NME7: variants seen among roughly 807,000 people sequenced by gnomAD.
NME7 encodes the protein nucleoside diphosphate kinase 7.
Under a neutral mutation model 49.1 loss-of-function variants are expected in NME7, and 41 were observed. That is an observed-to-expected ratio of 0.83 (90% CI 0.65 to 1.08). The LOEUF (loss-of-function observed/expected upper bound fraction) is 1.08. NME7 is among the 50% of genes least tolerant of loss of function. The pLI, the probability that NME7 is intolerant of heterozygous loss-of-function variation, is 0.00. For missense variants in NME7, 423 were observed against 463.4 expected, an observed-to-expected ratio of 0.91 and a Z score of 0.80; for synonymous variants, 139 against 150.6, an observed-to-expected ratio of 0.92 and a Z score of 0.56.
chr1:169,281,619 T>A (rs924240532), intron 7 of NME7, among the ~76,000 whole-genome samples: 1 of 152,208 alleles, frequency 6.6e-6, no homozygotes, highest in Non-Finnish European at 1.5e-5. Context: ...TATTTTGAGA[T>A]ATGTTCCATC....
At chr1:169,366,785 G>T (rs1202146071) in intron 1 of NME7, among the ~76,000 whole-genome samples, 1 of 152,178 alleles carries the variant, frequency 6.6e-6, no homozygotes, top group Non-Finnish European at 1.5e-5. Flanking sequence ...GTAAAGGGAA[G>T]GTTTGAAAAT....
chr1:169,191,828 GA>G (rs34364140), intron 10 of NME7, among the ~76,000 whole-genome samples: 1,574 of 148,118 alleles, frequency 0.011, 26 homozygotes, highest in African/African-American at 0.034. Flanking sequence ...TCCTTTTTCT[GA>G]AAAAAAAAAT....
intron 7 of NME7, chr1:169,284,964 C>T (rs937863357): frequency 6.6e-6 from 1 of 151,968 alleles, no homozygotes; most frequent in Non-Finnish European, 1.5e-5. Context: ...CAAGGATAAG[C>T]TTTTTAAAAA....
chr1:169,193,426 GGCA>G (rs1660290320), intron 10 of NME7, among the ~76,000 whole-genome samples: 2 of 152,130 alleles, frequency 1.3e-5, no homozygotes, highest in Admixed American at 1.3e-4. Flanking sequence ...ACTGAAACAT[GGCA>G]CTGGTGTCAG....
intron 10 of NME7, among the ~76,000 whole-genome samples, chr1:169,230,329 A>G (rs1479877113): frequency 6.6e-6 from 1 of 152,114 alleles, no homozygotes; most frequent in Non-Finnish European, 1.5e-5. Flanking sequence ...GCCCATATTT[A>G]TTTATGTATT....
chr1:169,156,869 A>G (rs898221391), intron 11 of NME7, among the ~76,000 whole-genome samples: 4 of 152,238 alleles, frequency 2.6e-5, no homozygotes, highest in African/African-American at 9.6e-5. Context: ...TTACAATTTG[A>G]TAGCTTAAGG....
At chr1:169,203,033 G>C (rs1192680531) in intron 10 of NME7, among the ~76,000 whole-genome samples, 5 of 152,140 alleles carry the variant, frequency 3.3e-5, no homozygotes, top group South Asian at 2.1e-4. Flanking sequence ...TGCAGGCACA[G>C]GTAAGGGAAC....
At chr1:169,232,343 T>C (rs775864054) in intron 9 of NME7, among the ~76,000 whole-genome samples, 9 of 150,710 alleles carry the variant, frequency 6.0e-5, no homozygotes, top group Non-Finnish European at 1.2e-4. Context: ...CTATTATATG[T>C]GTAATTAGAA....
intron 1 of NME7, among the ~76,000 whole-genome samples, chr1:169,338,602 C>A (rs1038184594): frequency 6.6e-6 from 1 of 152,166 alleles, no homozygotes; most frequent in Non-Finnish European, 1.5e-5. Flanking sequence ...CTGACTTCTG[C>A]AGATCACTGC....
intron 7 of NME7, chr1:169,284,839 G>A (rs944761129): frequency 6.6e-6 from 1 of 151,868 alleles, no homozygotes; most frequent in African/African-American, 2.4e-5. Flanking sequence ...CAATTATTAA[G>A]GTATACAACT....
intron 3 of NME7, among the ~76,000 whole-genome samples, chr1:169,322,039 C>A (rs1284869904): frequency 6.6e-6 from 1 of 152,060 alleles, no homozygotes; most frequent in Non-Finnish European, 1.5e-5. Flanking sequence ...ATAATTAATT[C>A]TAGTCTCAGA....
intron 1 of NME7, among the ~76,000 whole-genome samples, chr1:169,364,999 A>G (rs1377788515): frequency 2.6e-5 from 4 of 152,220 alleles, no homozygotes; most frequent in Non-Finnish European, 5.9e-5. Flanking sequence ...GCTCCTTTAG[A>G]TAACATCACT....
intron 7 of NME7, among the ~76,000 whole-genome samples, chr1:169,250,955 T>A (rs926481150): frequency 1.3e-5 from 2 of 152,156 alleles, no homozygotes; most frequent in African/African-American, 4.8e-5. Flanking sequence ...TCTGCAGTTA[T>A]TAGGTAGAAT....
intron 8 of NME7, among the ~76,000 whole-genome samples, 180 bp from the exon 9 acceptor site, chr1:169,235,379 A>G (rs1360526275): frequency 1.3e-5 from 2 of 152,088 alleles, no homozygotes; most frequent in African/African-American, 4.8e-5. Context: ...ATAATAATGG[A>G]TAACAGCATC....
intron 5 of NME7, among the ~76,000 whole-genome samples, chr1:169,302,926 G>A (rs1319811589): frequency 6.6e-6 from 1 of 151,872 alleles, no homozygotes; most frequent in African/African-American, 2.4e-5. Flanking sequence ...CTTTCTATTT[G>A]CAACTGATTA....
intron 7 of NME7, chr1:169,247,052 TC>T (rs1648350816): frequency 4.4e-6 from 2 of 456,030 alleles, no homozygotes; most frequent in Non-Finnish European, 8.8e-6. Flanking sequence ...AGTCAGGGGT[TC>T]CTCCTCACTG....
chr1:169,191,862 T>G (rs1571279018), intron 10 of NME7, among the ~76,000 whole-genome samples: 1 of 152,228 alleles, frequency 6.6e-6, no homozygotes, highest in African/African-American at 2.4e-5. Context: ...AAACATTTGC[T>G]GAAGGTTTGA....
At chr1:169,184,141 T>C (rs532877932) in intron 10 of NME7, among the ~76,000 whole-genome samples, 4 of 152,080 alleles carry the variant, frequency 2.6e-5, no homozygotes, top group Admixed American at 2.0e-4. Context: ...TTACATTGTT[T>C]TTAAAAAAAA....
At chr1:169,143,500 G>A (rs1232423509) in intron 11 of NME7, among the ~76,000 whole-genome samples, 2 of 151,982 alleles carry the variant, frequency 1.3e-5, no homozygotes, top group Non-Finnish European at 2.9e-5. Context: ...AACTCATCCT[G>A]TCTTTCACTA....
Sources: gnomAD v4.1 joint callset for allele counts (sites outside exome capture counted in the v4.1 genomes callset) on GRCh38, gnomAD v4.1.1 for gene constraint, MANE v1.5 for transcripts, NCBI Gene and HGNC (gene_info 2026-07-23, HGNC 2026-07-21) for gene names.